TRAK2: variants seen among roughly 807,000 people sequenced by gnomAD.
The protein encoded by TRAK2 is trafficking kinesin-binding protein 2.
In TRAK2, 81 loss-of-function variants were observed where a neutral mutation model predicts 104.6. The ratio of observed to expected loss-of-function variants is 0.77; its 90% CI spans 0.65 to 0.93. TRAK2 has a LOEUF of 0.93. Ranked by LOEUF, TRAK2 falls within the 40% of genes least tolerant of loss-of-function variation. The pLI is 0.00. For missense variants in TRAK2, 1,002 were observed against 1,089.0 expected, an observed-to-expected ratio of 0.92 and a Z score of 1.12; for synonymous variants, 406 against 394.4, an observed-to-expected ratio of 1.03 and a Z score of -0.35.
In TRAK2 at chr2:201,380,508, C is replaced by A. The variant is rs766577998; in HGVS notation, c.*35G>T. The A allele has an allele frequency of 9.4e-6, 15 of 1,595,354 alleles. No individual in the cohort carries two copies. Among genetic ancestry groups the A allele is most frequent in the Middle Eastern group, 1.7e-4 (1 of 5,988 alleles). The stretch of plus-strand genomic sequence containing the variant: ...TCAGTGCATATCTATCCTTCATGTG[C>A]TAACTTGTATAAAAGGTCAGTTAAC... On this transcript the variant is annotated 3_prime_UTR_variant, in exon 16 of 16. Transcript: ENST00000332624.
chr2:201,415,262 A>C (rs903733060), intron 2 of TRAK2, among the ~76,000 whole-genome samples: 7 of 152,206 alleles, frequency 4.6e-5, no homozygotes, highest in African/African-American at 1.7e-4. Flanking sequence ...TCTTGCCAAA[A>C]TAAATTTTAA....
At chr2:201,441,682 C>CTTT (rs1170684951) in intron 1 of TRAK2, among the ~76,000 whole-genome samples, 1 of 140,568 alleles carries the variant, frequency 7.1e-6, no homozygotes, top group African/African-American at 2.6e-5. Context: ...TGTGCTCTTT[C>CTTT]TTTTTTTTTT....
Position 201,380,621 on chromosome 2 carries a change from A to C in TRAK2, c.2667T>G (p.Ser889Arg). ...SLLGGLRRNQSLPVIMGSFAA... is the reference protein window; with the variant it reads ...SLLGGLRRNQRLPVIMGSFAA... ...CAAAGCTACCCATTATGACTGGAAG[A>C]CTCTGATTCCTCCTTAGTCCACCTA... is the stretch of plus-strand genomic sequence containing the variant. Residue 889 changes from serine to arginine, a missense_variant, in exon 16 of 16, where the codon AGT becomes AGG. Physicochemically the swap from Ser to Arg is moderately radical, Grantham distance 110 (BLOSUM62 -1). Coordinates refer to ENST00000332624, the MANE Select transcript of TRAK2 (RefSeq NM_015049.3). 1 of 1,613,984 alleles carries C rather than the reference A, an allele frequency of 6.2e-7. No individual in the cohort carries two copies. The highest frequency in any genetic ancestry group is 8.5e-7 in the Non-Finnish European group (1 of 1,179,970).
intron 2 of TRAK2, among the ~76,000 whole-genome samples, chr2:201,415,682 C>A (rs925031625): frequency 6.6e-6 from 1 of 151,664 alleles, no homozygotes; most frequent in Non-Finnish European, 1.5e-5. Flanking sequence ...TAAAATGAAG[C>A]ACAGAGAAAA....
In TRAK2 at chr2:201,422,465, C is replaced by T. The variant is rs533171575; in HGVS notation, c.-199-1759G>A. Among the ~76,000 whole-genome samples the T allele has an allele frequency of 2.6e-3, 395 of 152,276 alleles. 3 individuals are homozygous for T. Among genetic ancestry groups the T allele is most frequent in the African/African-American group, 8.7e-3 (362 of 41,552 alleles). Reference sequence around the variant, plus strand: ...CTTCTACTTATAGTTAATTCATTCTCATGCCTGCTCTTCACAGGCATCATA... The same window carrying T: ...CTTCTACTTATAGTTAATTCATTCTTATGCCTGCTCTTCACAGGCATCATA... On this transcript the variant is annotated intron_variant, in intron 1 of 15. Transcript: ENST00000332624.
chr2:201,401,138 G>GA lies in TRAK2; in HGVS notation c.287-45dup, dbSNP rs759805264. On this transcript the variant is annotated intron_variant, in intron 3 of 15. Coordinates refer to ENST00000332624, the MANE Select transcript of TRAK2 (RefSeq NM_015049.3). Reference sequence around the variant, plus strand: ...ACTATTTATAGGCTTTAGCAATAATGAAAAAATTTAAATATTAATAAGAAT... The same window carrying GA: ...ACTATTTATAGGCTTTAGCAATAATGAAAAAAATTTAAATATTAATAAGAAT... The GA allele has an allele frequency of 6.0e-6, 8 of 1,334,860 alleles. No individual in the cohort carries two copies. In the Middle Eastern group the frequency reaches 7.5e-4, roughly 125 times the overall value. The allele number at this position is 1,334,860 out of a possible 1,614,324, so 82.7% of individuals were successfully genotyped here. A position where few individuals can be genotyped will look rare whatever the true frequency, so the allele number is the denominator to read the frequency against.
chr2:201,393,423 G>GT (rs1166820993), intron 9 of TRAK2, among the ~76,000 whole-genome samples: 1 of 152,136 alleles, frequency 6.6e-6, no homozygotes, highest in Non-Finnish European at 1.5e-5. Flanking sequence ...TCTGAAGTCT[G>GT]TAAGTGACAA....
At chr2:201,421,570 G>C (rs1271008109) in intron 1 of TRAK2, among the ~76,000 whole-genome samples, 1 of 151,848 alleles carries the variant, frequency 6.6e-6, no homozygotes, top group African/African-American at 2.4e-5. Flanking sequence ...CCCTGGGGTG[G>C]GGGGGGCAAA....
At chr2:201,427,324 TC>T (rs1951798385) in intron 1 of TRAK2, among the ~76,000 whole-genome samples, 1 of 95,554 alleles carries the variant, frequency 1.0e-5, no homozygotes, top group Non-Finnish European at 2.2e-5. Context: ...CCCTCCCCCC[TC>T]CCCGCACCCC....
chr2:201,399,529 T>A (rs1454076146), intron 4 of TRAK2, 36 bp from the exon 5 acceptor site: 3 of 1,518,324 alleles, frequency 2.0e-6, no homozygotes, highest in Non-Finnish European at 2.7e-6. Context: ...TCTTTGAGTA[T>A]AAACAAGGTT....
intron 10 of TRAK2, among the ~76,000 whole-genome samples, chr2:201,391,418 A>G (rs1320216420): frequency 1.3e-5 from 2 of 152,236 alleles, no homozygotes; most frequent in Non-Finnish European, 2.9e-5. Flanking sequence ...AAATTTGAAA[A>G]TCACCATTTG....
chr2:201,406,186 A>G (rs1355800738), intron 3 of TRAK2, among the ~76,000 whole-genome samples: 1 of 152,256 alleles, frequency 6.6e-6, no homozygotes, highest in Non-Finnish European at 1.5e-5. Flanking sequence ...ATTAAGGACA[A>G]AAACACAATA....
chr2:201,384,920 CA>C (rs1194204371), intron 14 of TRAK2, among the ~76,000 whole-genome samples: 2 of 152,242 alleles, frequency 1.3e-5, no homozygotes, highest in African/African-American at 4.8e-5. Context: ...TAGAGGAAAA[CA>C]CTTGTGCAAC....
rs143734777 is a variant in TRAK2, at chr2:201,399,416, G to A, written c.441C>T (p.Asn147=). The A allele has an allele frequency of 1.7e-5, 27 of 1,612,102 alleles. No individual in the cohort carries two copies. Among genetic ancestry groups the A allele is most frequent in the African/African-American group, 4.0e-5 (3 of 74,846 alleles). ...LKRNHVLSEQ[N]ESLEEQLGQA... ...GTCCCAATTGCTCCTCCAGGGATTC[G>A]TTCTGCTCAGATAAGACATGGTTCC... The change falls in exon 5 of 16, where the codon AAC becomes AAT. Residue 147 remains asparagine (N), a synonymous_variant. Transcript: ENST00000332624.
At chr2:201,430,679 A>C (rs1434135339) in intron 1 of TRAK2, among the ~76,000 whole-genome samples, 1 of 152,152 alleles carries the variant, frequency 6.6e-6, no homozygotes, top group Non-Finnish European at 1.5e-5. Context: ...CTGTTGGAAA[A>C]GCGCAGTACT....
chr2:201,415,935 T>C (rs966554905), intron 2 of TRAK2, among the ~76,000 whole-genome samples: 4 of 150,578 alleles, frequency 2.7e-5, no homozygotes, highest in Admixed American at 6.6e-5. Context: ...AAGAAGAAAA[T>C]CCTAAAAGCA....
intron 10 of TRAK2, 111 bp from the exon 11 acceptor site, chr2:201,389,991 C>A: frequency 1.4e-6 from 1 of 736,344 alleles, no homozygotes; most frequent in South Asian, 2.3e-5. Context: ...ATAGTCAAGG[C>A]TAACATTCAG....
rs542387836 is a variant in TRAK2, at chr2:201,427,185, T to C, written c.-199-6479A>G. On this transcript the variant is annotated intron_variant, in intron 1 of 15. Transcript: ENST00000332624. ...AAAGATGATGTCTTCTGTCTAATATTTCTTTTTTATTAAGTTCTAGGGTAC... is the reference window on the plus strand; with the variant it reads ...AAAGATGATGTCTTCTGTCTAATATCTCTTTTTTATTAAGTTCTAGGGTAC... 1.3e-4 allele frequency among the ~76,000 whole-genome samples: 20 copies of C among 152,302 alleles called. No individual in the cohort carries two copies. In the South Asian group the frequency reaches 3.9e-3, roughly 30 times the overall value.
chr2:201,398,165 T>A lies in TRAK2; in HGVS notation c.670A>T (p.Asn224Tyr). 1 of 1,613,654 alleles carries A rather than the reference T, an allele frequency of 6.2e-7. No homozygotes were observed. Among genetic ancestry groups the A allele is most frequent in the Non-Finnish European group, 8.5e-7 (1 of 1,179,606 alleles). The change falls in exon 6 of 16, where the codon AAT (asparagine) becomes TAT (tyrosine). Residue 224 changes from asparagine to tyrosine, a missense_variant. By Grantham distance (143) the Asn-to-Tyr change is moderately radical. Transcript: ENST00000332624. ...CGTACCTTGGATCGAAGAGCCATATTCTCTTCTTCCAGTTCCTTGAGCTTT... is the reference window on the plus strand; with the variant it reads ...CGTACCTTGGATCGAAGAGCCATATACTCTTCTTCCAGTTCCTTGAGCTTT... ...QEKLKELEEE[N>Y]MALRSKACHI... is the part of the protein sequence containing the mutation.
Sources: allele counts gnomAD v4.1 joint callset (sites outside exome capture counted in the v4.1 genomes callset), GRCh38; gene constraint gnomAD v4.1.1; transcripts MANE v1.5; gene names NCBI Gene and HGNC (gene_info 2026-07-23, HGNC 2026-07-21).